PLXDC2: variants seen among roughly 807,000 people sequenced by gnomAD.
The protein encoded by PLXDC2 is plexin domain containing 2, also known as plexin domain-containing protein 2.
Under a neutral mutation model 68.9 loss-of-function variants are expected in PLXDC2, and 40 were observed. That is an observed-to-expected ratio of 0.58 (90% CI 0.45 to 0.76). PLXDC2 has a LOEUF of 0.76. PLXDC2 is among the 30% of genes least tolerant of loss of function. The pLI, the probability that PLXDC2 is intolerant of heterozygous loss-of-function variation, is 0.00. For missense variants in PLXDC2, 644 were observed against 661.9 expected (o/e 0.97, Z 0.30); for synonymous variants, 243 against 234.2 (o/e 1.04, Z -0.34).
intron 12 of PLXDC2, among the ~76,000 whole-genome samples, chr10:20,228,323 G>A (rs917927835): frequency 1.3e-5 from 2 of 152,130 alleles, no homozygotes; most frequent in Non-Finnish European, 2.9e-5. Flanking sequence ...CACTTTGGGA[G>A]GCTGAGCTGG....
At chr10:20,060,164 C>G (rs1343438695) in intron 3 of PLXDC2, among the ~76,000 whole-genome samples, 2 of 152,106 alleles carry the variant, frequency 1.3e-5, no homozygotes, top group African/African-American at 4.8e-5. Flanking sequence ...TCCCCAGTAG[C>G]TGGGATTGCA....
At chr10:20,044,261 CT>C (rs1273740445) in intron 2 of PLXDC2, among the ~76,000 whole-genome samples, 4 of 113,732 alleles carry the variant, frequency 3.5e-5, no homozygotes, top group Middle Eastern at 4.0e-3. Flanking sequence ...TTCTTTCTTT[CT>C]TTCTTTCTTT....
At chr10:20,082,223 C>T (rs956992008) in intron 4 of PLXDC2, among the ~76,000 whole-genome samples, 3 of 151,576 alleles carry the variant, frequency 2.0e-5, no homozygotes, top group Middle Eastern at 3.4e-3. Context: ...GTTAATAATT[C>T]AGCTAATTAT....
chr10:19,855,020 TAGATTC>T (rs1720004342), intron 1 of PLXDC2, among the ~76,000 whole-genome samples: 1 of 152,222 alleles, frequency 6.6e-6, no homozygotes, highest in Non-Finnish European at 1.5e-5. Flanking sequence ...TTACTATGAA[TAGATTC>T]AACTGTGATG....
intron 9 of PLXDC2, among the ~76,000 whole-genome samples, chr10:20,178,578 G>T (rs956288968): frequency 2.0e-5 from 3 of 152,060 alleles, no homozygotes; most frequent in Non-Finnish European, 4.4e-5. Context: ...TTACACCCGA[G>T]CTTTCGGTTG....
intron 1 of PLXDC2, among the ~76,000 whole-genome samples, chr10:19,893,342 G>A (rs2131361608): frequency 6.6e-6 from 1 of 152,266 alleles, no homozygotes; most frequent in Middle Eastern, 3.4e-3. Context: ...GAAGAAAAAA[G>A]CACCATATCC....
At chr10:20,162,872 T>A (rs958100672) in intron 6 of PLXDC2, among the ~76,000 whole-genome samples, 4 of 136,134 alleles carry the variant, frequency 2.9e-5, no homozygotes, top group African/African-American at 1.1e-4. Flanking sequence ...CAGACCAGCC[T>A]GGCCAACATG....
chr10:19,968,544 C>A (rs1321310986), intron 1 of PLXDC2, among the ~76,000 whole-genome samples: 2 of 152,130 alleles, frequency 1.3e-5, no homozygotes, highest in Non-Finnish European at 2.9e-5. Flanking sequence ...AACTCCTGGA[C>A]TCAAGTGATA....
At position 20,139,139 on chromosome 10, in the gene PLXDC2, C is replaced by T. The variant is rs947582243; in HGVS notation, c.542-4156C>T. ...CAGATGTAAAAACAGATTATTCACA[C>T]GACTAGAGACCACCTATGGAAAGCA... On this transcript the variant is annotated intron_variant, in intron 4 of 13. Coordinates refer to ENST00000377252, the MANE Select transcript of PLXDC2 (RefSeq NM_032812.9). Among the ~76,000 whole-genome samples, 12 of 152,280 alleles carry T rather than the reference C, an allele frequency of 7.9e-5. 1 individual carries two copies. The highest frequency in any genetic ancestry group is 3.9e-4 in the East Asian group (2 of 5,184).
chr10:20,193,942 T>G (rs1319140570), intron 9 of PLXDC2, among the ~76,000 whole-genome samples: 2 of 152,066 alleles, frequency 1.3e-5, no homozygotes, highest in Non-Finnish European at 2.9e-5. Flanking sequence ...CACTGTTTTA[T>G]GACCAGAACC....
At chr10:19,905,927 T>A (rs1432337106) in intron 1 of PLXDC2, among the ~76,000 whole-genome samples, 1 of 152,052 alleles carries the variant, frequency 6.6e-6, no homozygotes, top group Non-Finnish European at 1.5e-5. Flanking sequence ...CATTCATTTT[T>A]ACAACAAAGA....
At chr10:20,147,673 C>A (rs555068197) in intron 5 of PLXDC2, 111 bp from the exon 6 acceptor site, 5 of 641,364 alleles carry the variant, frequency 7.8e-6, no homozygotes, top group East Asian at 5.2e-5. Context: ...CGAAATAGTA[C>A]AACTACCAGA....
At chr10:20,264,360 G>A (rs903585054) in intron 13 of PLXDC2, among the ~76,000 whole-genome samples, 1 of 152,052 alleles carries the variant, frequency 6.6e-6, no homozygotes, top group Non-Finnish European at 1.5e-5. Context: ...TAACTATCAG[G>A]CACTGGGCTT....
At position 19,985,303 on chromosome 10, in the gene PLXDC2, T is replaced by C. The variant is rs559521680; in HGVS notation, c.113-16472T>C. Among the ~76,000 whole-genome samples, 4 of 152,356 alleles carry C rather than the reference T, an allele frequency of 2.6e-5. No individual in the cohort carries two copies. In the South Asian group the frequency reaches 8.3e-4, roughly 32 times the overall value. The stretch of plus-strand genomic sequence containing the variant: ...ATTAACTGCTGTCCTTTCTACCTGT[T>C]GAAATATTAAACAGAGGAAAATGGG... On this transcript the variant is annotated intron_variant, in intron 1 of 13. Coordinates refer to ENST00000377252, the MANE Select transcript of PLXDC2 (RefSeq NM_032812.9).
intron 12 of PLXDC2, among the ~76,000 whole-genome samples, chr10:20,229,499 A>G (rs767144093): frequency 5.5e-5 from 7 of 127,228 alleles, no homozygotes; most frequent in Non-Finnish European, 9.6e-5. Context: ...CTCACGTAAT[A>G]TGCTGATCCA....
rs534281397 is a variant in PLXDC2, at chr10:20,238,683, A to G, written c.1313-6662A>G. Reference sequence around the variant, plus strand: ...AAAAAATATATATATATATGTATATATATATATATACACACATATATATGT... The same window carrying G: ...AAAAAATATATATATATATGTATATGTATATATATACACACATATATATGT... On this transcript the variant is annotated intron_variant, in intron 12 of 13. Coordinates refer to ENST00000377252, the MANE Select transcript of PLXDC2 (RefSeq NM_032812.9). Among the ~76,000 whole-genome samples the G allele has an allele frequency of 2.9e-5, 4 of 136,868 alleles. No individual in the cohort carries two copies. In the South Asian group the frequency reaches 9.0e-4, roughly 31 times the overall value. The allele number at this position is 136,868 out of a possible 152,430, so 89.8% of individuals were successfully genotyped here.
At chr10:19,821,952 G>A (rs538064282) in intron 1 of PLXDC2, among the ~76,000 whole-genome samples, 4 of 151,974 alleles carry the variant, frequency 2.6e-5, no homozygotes, top group South Asian at 2.1e-4. Context: ...TTAATAATAT[G>A]TATTTAAGCT....
At chr10:20,202,840 G>A (rs1222980048) in intron 9 of PLXDC2, among the ~76,000 whole-genome samples, 2 of 152,100 alleles carry the variant, frequency 1.3e-5, no homozygotes, top group Non-Finnish European at 2.9e-5. Context: ...AGCTAGAGTT[G>A]CTGTTTCCTA....
chr10:20,074,731 G>C (rs951325989), intron 4 of PLXDC2, among the ~76,000 whole-genome samples: 1 of 152,152 alleles, frequency 6.6e-6, no homozygotes, highest in African/African-American at 2.4e-5. Context: ...AGGAGAGGAA[G>C]ATAGTTATTA....
Sources: gnomAD v4.1 joint callset for allele counts (sites outside exome capture counted in the v4.1 genomes callset) on GRCh38, gnomAD v4.1.1 for gene constraint, MANE v1.5 for transcripts, NCBI Gene and HGNC (gene_info 2026-07-23, HGNC 2026-07-21) for gene names.